GRIK2: variants seen among roughly 807,000 people sequenced by gnomAD.
The protein encoded by GRIK2 is glutamate receptor ionotropic, kainate 2.
GRIK2 carries 32 observed loss-of-function variants against 100.3 expected under a neutral mutation model. The ratio of observed to expected loss-of-function variants is 0.32; its 90% confidence interval spans 0.24 to 0.43. GRIK2 has a LOEUF of 0.43. GRIK2 is among the 20% of genes least tolerant of loss of function. GRIK2 has a pLI of 1.00. For missense variants in GRIK2, 843 were observed against 1,114.9 expected (o/e 0.76, Z 3.47); for synonymous variants, 417 against 389.4 (o/e 1.07, Z -0.83).
intron 2 of GRIK2, among the ~76,000 whole-genome samples, chr6:101,482,552 C>G (rs1772589189): frequency 6.6e-6 from 1 of 152,062 alleles, no homozygotes; most frequent in African/African-American, 2.4e-5. Flanking sequence ...AGATAGGATG[C>G]AGCCCTGTGT....
intron 10 of GRIK2, among the ~76,000 whole-genome samples, chr6:101,826,575 A>G (rs1582315016): frequency 6.6e-6 from 1 of 152,132 alleles, no homozygotes; most frequent in East Asian, 1.9e-4. Context: ...CTGTTTGGAG[A>G]TTAGCTAATA....
At chr6:101,510,758 C>A (rs1336370978) in intron 2 of GRIK2, among the ~76,000 whole-genome samples, 1 of 151,178 alleles carries the variant, frequency 6.6e-6, no homozygotes, top group Non-Finnish European at 1.5e-5. Context: ...TCCTGGCCTC[C>A]TGATTCACCT....
At chr6:101,548,195 A>T (rs1353548675) in intron 2 of GRIK2, among the ~76,000 whole-genome samples, 3 of 151,706 alleles carry the variant, frequency 2.0e-5, no homozygotes, top group Non-Finnish European at 2.9e-5. Flanking sequence ...AATTTGTTTG[A>T]GTTCTTTGTA....
intron 2 of GRIK2, among the ~76,000 whole-genome samples, chr6:101,558,933 G>A (rs527426981): frequency 6.6e-5 from 10 of 151,970 alleles, no homozygotes; most frequent in Non-Finnish European, 1.2e-4. Flanking sequence ...ACAGATCACC[G>A]TATATTTATG....
At chr6:101,914,386 GTAA>G (rs2128466810) in intron 12 of GRIK2, among the ~76,000 whole-genome samples, 1 of 151,506 alleles carries the variant, frequency 6.6e-6, no homozygotes, top group East Asian at 1.9e-4. Flanking sequence ...GTGGTCAGAT[GTAA>G]TATGGAATGG....
intron 12 of GRIK2, among the ~76,000 whole-genome samples, chr6:101,916,105 T>C (rs1433071097): frequency 1.3e-5 from 2 of 151,482 alleles, no homozygotes; most frequent in Non-Finnish European, 3.0e-5. Flanking sequence ...TACTGTAAAG[T>C]TTAGGCTTCA....
At chr6:101,624,628 C>T (rs1222253589) in intron 3 of GRIK2, among the ~76,000 whole-genome samples, 1 of 152,080 alleles carries the variant, frequency 6.6e-6, no homozygotes, top group Non-Finnish European at 1.5e-5. Context: ...GTCTGAACAC[C>T]TAATTTATGC....
chr6:101,931,160 G>A (rs114368318), intron 14 of GRIK2, among the ~76,000 whole-genome samples: 1,727 of 152,104 alleles, frequency 0.011, 36 homozygotes, highest in African/African-American at 0.04. Context: ...CTTTTTAAGT[G>A]TATAGTTATT....
chr6:101,823,179 G>C (rs981664854), intron 10 of GRIK2, among the ~76,000 whole-genome samples: 1 of 151,954 alleles, frequency 6.6e-6, no homozygotes, highest in African/African-American at 2.4e-5. Flanking sequence ...AGATTCTCCT[G>C]GGCAATCAAG....
intron 14 of GRIK2, among the ~76,000 whole-genome samples, chr6:101,950,087 A>G (rs1791518118): frequency 6.6e-6 from 1 of 152,186 alleles, no homozygotes; most frequent in Admixed American, 6.5e-5. Context: ...TTTATTTCTC[A>G]TTTTAATCTC....
intron 2 of GRIK2, among the ~76,000 whole-genome samples, chr6:101,399,615 T>C (rs1234153692): frequency 6.6e-6 from 1 of 152,156 alleles, no homozygotes; most frequent in Non-Finnish European, 1.5e-5. Flanking sequence ...TGTGTGGTAG[T>C]GGTCTCTGCA....
chr6:101,870,209 T>A (rs1290394029), intron 11 of GRIK2, among the ~76,000 whole-genome samples: 2 of 151,930 alleles, frequency 1.3e-5, no homozygotes, highest in African/African-American at 2.4e-5. Flanking sequence ...CTCATTTTAC[T>A]TTGTGGCTTT....
intron 14 of GRIK2, among the ~76,000 whole-genome samples, chr6:102,025,092 C>T (rs1315516521): frequency 2.0e-5 from 3 of 151,164 alleles, no homozygotes; most frequent in Non-Finnish European, 4.4e-5. Context: ...TTACTCACTA[C>T]AGATCATTTA....
intron 16 of GRIK2, among the ~76,000 whole-genome samples, chr6:102,064,273 T>C (rs1771893929): frequency 6.7e-6 from 1 of 149,230 alleles, no homozygotes; most frequent in Non-Finnish European, 1.5e-5. Context: ...TCCCTCTCCT[T>C]CTCCTTCTCT....
At chr6:101,734,285 T>C (rs1382808495) in intron 7 of GRIK2, among the ~76,000 whole-genome samples, 1 of 152,168 alleles carries the variant, frequency 6.6e-6, no homozygotes, top group Non-Finnish European at 1.5e-5. Flanking sequence ...AATGTTATAG[T>C]TCCAGTCTAA....
At chr6:101,405,780 A>G (rs1489202585) in intron 2 of GRIK2, among the ~76,000 whole-genome samples, 1 of 152,226 alleles carries the variant, frequency 6.6e-6, no homozygotes, top group Non-Finnish European at 1.5e-5. Flanking sequence ...GTCACATATG[A>G]GATTATTCAC....
rs185103545 is a variant in GRIK2, at chr6:101,913,161, T to G, written c.1749-11440T>G. On this transcript the variant is annotated intron_variant, in intron 12 of 16. Transcript: ENST00000369134. ...TACTCTTTGTCCAAAGTGTCCAAAA[T>G]TTACTAGCTATCAATATTACTACAT... 2.7e-3 allele frequency among the ~76,000 whole-genome samples: 402 copies of G among 151,620 alleles called. 2 individuals carry two copies. The highest frequency in any genetic ancestry group is 2.5e-3 in the Admixed American group (38 of 15,162).
chr6:101,939,454 C>T (rs1269747764), intron 14 of GRIK2, among the ~76,000 whole-genome samples: 3 of 151,988 alleles, frequency 2.0e-5, no homozygotes, highest in South Asian at 2.1e-4. Flanking sequence ...ATATGAATAC[C>T]GTACTTTTGC....
chr6:101,732,109 C>G (rs79381768), intron 7 of GRIK2, among the ~76,000 whole-genome samples: 1 of 151,872 alleles, frequency 6.6e-6, no homozygotes, highest in African/African-American at 2.4e-5. Flanking sequence ...CACACACACA[C>G]ACACCTTTTT....
Sources: gnomAD v4.1 joint callset for allele counts (sites outside exome capture counted in the v4.1 genomes callset) on GRCh38, gnomAD v4.1.1 for gene constraint, MANE v1.5 for transcripts, NCBI Gene and HGNC (gene_info 2026-07-23, HGNC 2026-07-21) for gene names.